The following PFKFB3 variants were observed in gnomAD, a reference collection of about 807,000 sequenced individuals.
The protein encoded by PFKFB3 is 6-phosphofructo-2-kinase/fructose-2,6-bisphosphatase 3.
PFKFB3 carries 33 observed loss-of-function variants against 68.0 expected under a neutral mutation model. That is an observed-to-expected ratio of 0.49 (90% CI 0.37 to 0.65). PFKFB3 has a LOEUF of 0.65. PFKFB3 is among the 30% of genes least tolerant of loss of function. The pLI, the probability that PFKFB3 is intolerant of heterozygous loss-of-function variation, is 0.00. For missense variants in PFKFB3, 586 were observed against 712.2 expected, an observed-to-expected ratio of 0.82 and a Z score of 2.02; for synonymous variants, 315 against 288.2, an observed-to-expected ratio of 1.09 and a Z score of -0.94.
At chr10:6,189,826 T>G (rs992615870) in intron 1 of PFKFB3, among the ~76,000 whole-genome samples, 1 of 151,558 alleles carries the variant, frequency 6.6e-6, no homozygotes, top group African/African-American at 2.4e-5. Flanking sequence ...GAGGGTAACT[T>G]TATCACTTGC....
At chr10:6,283,540 A>AGATGGAGGCCGGAAGACTCAGCCCATGCT in the PFKFB3 span, among the ~76,000 whole-genome samples, 4 of 151,036 alleles carry the variant, frequency 2.6e-5, no homozygotes, top group Admixed American at 1.3e-4. Flanking sequence ...CATGGGAGAA[A>AGATGGAGGCCGGAAGACTCAGCCCATGCT]GATGGAGGCT....
At chr10:6,208,860 C>T (rs899011928) in intron 1 of PFKFB3, among the ~76,000 whole-genome samples, 13 of 152,320 alleles carry the variant, frequency 8.5e-5, no homozygotes, top group East Asian at 3.9e-4. Context: ...CTGTATCCCA[C>T]GGCTGAGTGT....
At position 6,205,902 on chromosome 10, in the gene PFKFB3, A is replaced by T. The variant is rs550452248; in HGVS notation, c.76+2566A>T. Among the ~76,000 whole-genome samples the T allele has an allele frequency of 7.2e-5, 11 of 151,766 alleles. No homozygotes were observed. In the South Asian group the frequency reaches 1.9e-3, roughly 26 times the overall value. Reference sequence around the variant, plus strand: ...AACCACCAACTCTTGGGCTCAAGTGATGCTCCCGCCTCAGCCTGTCCAGTA... The same window carrying T: ...AACCACCAACTCTTGGGCTCAAGTGTTGCTCCCGCCTCAGCCTGTCCAGTA... On this transcript the variant is annotated intron_variant, in intron 1 of 14. Transcript: ENST00000379775.
downstream of PFKFB3, among the ~76,000 whole-genome samples, chr10:6,239,434 T>C (rs7894118): frequency 0.87 from 132,959 of 152,136 alleles, 58,526 homozygotes; most frequent in Middle Eastern, 0.92. Flanking sequence ...AGTCAGCAGA[T>C]CACAGGAAAG....
At chr10:6,170,205 T>C (rs1842264490) in intron 1 of PFKFB3, among the ~76,000 whole-genome samples, 2 of 152,154 alleles carry the variant, frequency 1.3e-5, no homozygotes, top group Non-Finnish European at 2.9e-5. Context: ...CAAACAGAGG[T>C]GATGGTGTGT....
chr10:6,161,282 C>T (rs191237920), intron 1 of PFKFB3, among the ~76,000 whole-genome samples: 39 of 152,224 alleles, frequency 2.6e-4, no homozygotes, highest in African/African-American at 9.1e-4. Context: ...AGACTTACGA[C>T]TCAGGGCCTC....
intron 1 of PFKFB3, among the ~76,000 whole-genome samples, chr10:6,180,652 A>G (rs1842687168): frequency 6.6e-6 from 1 of 152,086 alleles, no homozygotes; most frequent in African/African-American, 2.4e-5. Context: ...TTTTGTAGAG[A>G]TGGGGTCTTG....
At chr10:6,301,189 T>C in the PFKFB3 span, among the ~76,000 whole-genome samples, 1 of 152,288 alleles carries the variant, frequency 6.6e-6, no homozygotes, top group Admixed American at 6.5e-5. Flanking sequence ...ATTGGGCTTT[T>C]CATTATCTCA....
chr10:6,263,521 C>T, the PFKFB3 span, among the ~76,000 whole-genome samples: 2 of 152,216 alleles, frequency 1.3e-5, no homozygotes, highest in Non-Finnish European at 2.9e-5. Flanking sequence ...CAGAGGACAT[C>T]TCTACTTCGC....
At chr10:6,302,176 T>C in the PFKFB3 span, among the ~76,000 whole-genome samples, 2 of 151,278 alleles carry the variant, frequency 1.3e-5, no homozygotes, top group Non-Finnish European at 2.9e-5. Flanking sequence ...TGCCTCAGCC[T>C]CTTGAATAGC....
At chr10:6,173,781 G>A (rs536471035) in intron 1 of PFKFB3, among the ~76,000 whole-genome samples, 5 of 152,082 alleles carry the variant, frequency 3.3e-5, no homozygotes, top group Non-Finnish European at 5.9e-5. Context: ...AGGACCTTCC[G>A]TGAAGCCTAA....
chr10:6,260,036 A>G, the PFKFB3 span, among the ~76,000 whole-genome samples: 1 of 152,170 alleles, frequency 6.6e-6, no homozygotes, highest in Non-Finnish European at 1.5e-5. Flanking sequence ...GTGAAGTACA[A>G]CATACATGAA....
At chr10:6,254,958 C>T (rs1462843526), downstream of PFKFB3, among the ~76,000 whole-genome samples, 1 of 151,596 alleles carries the variant, frequency 6.6e-6, no homozygotes, top group East Asian at 1.9e-4. Context: ...GCTGGGATTA[C>T]AGGCACGTGC....
At chr10:6,315,004 C>T in the PFKFB3 span, among the ~76,000 whole-genome samples, 1 of 152,214 alleles carries the variant, frequency 6.6e-6, no homozygotes, top group African/African-American at 2.4e-5. Context: ...GGGACTCTCC[C>T]TCACATTGCT....
At chr10:6,289,760 T>C in the PFKFB3 span, among the ~76,000 whole-genome samples, 102 of 152,298 alleles carry the variant, frequency 6.7e-4, 1 homozygote, top group African/African-American at 2.4e-3. Flanking sequence ...GGTAGCTTGA[T>C]GGGGATGGCA....
At chr10:6,268,347 A>G in the PFKFB3 span, among the ~76,000 whole-genome samples, 1 of 152,090 alleles carries the variant, frequency 6.6e-6, no homozygotes, top group South Asian at 2.1e-4. Flanking sequence ...GTGCTTTTCT[A>G]TACTATTATA....
chr10:6,200,150 A>G (rs1195937683), upstream of PFKFB3, among the ~76,000 whole-genome samples: 1 of 152,148 alleles, frequency 6.6e-6, no homozygotes, highest in East Asian at 1.9e-4. Flanking sequence ...CTTCCCATAA[A>G]GCAAGTGGGG....
chr10:6,145,040 G>GC, intron 1 of PFKFB3: 2 of 1,317,720 alleles, frequency 1.5e-6, no homozygotes, highest in Non-Finnish European at 1.9e-6. Flanking sequence ...CGCGGCCCAC[G>GC]CCCCCAGCGC....
intron 1 of PFKFB3, chr10:6,146,264 T>C (rs1453965788): frequency 2.0e-6 from 3 of 1,466,778 alleles, no homozygotes; most frequent in Non-Finnish European, 2.7e-6. Flanking sequence ...ATGCTACGGT[T>C]GCCTGGAGGC....
Sources: allele counts gnomAD v4.1 joint callset (sites outside exome capture counted in the v4.1 genomes callset), GRCh38; gene constraint gnomAD v4.1.1; transcripts MANE v1.5; gene names NCBI Gene and HGNC (gene_info 2026-07-23, HGNC 2026-07-21).